Variants in ERC2 observed in about 807,000 individuals in gnomAD.
The protein encoded by ERC2 is ERC protein 2.
A neutral mutation model predicts 114.8 loss-of-function variants in ERC2; 42 were observed. That is an observed-to-expected ratio of 0.37 (90% CI 0.29 to 0.47). The LOEUF (loss-of-function observed/expected upper bound fraction) is 0.47, where lower values mean the gene tolerates loss of function less well. ERC2 is among the 20% of genes least tolerant of loss of function. The pLI is 0.99. For missense variants in ERC2, 939 were observed against 1,150.7 expected (o/e 0.82, Z 2.66); for synonymous variants, 454 against 425.5 (o/e 1.07, Z -0.82).
At chr3:55,678,130 C>G (rs77480090) in intron 17 of ERC2, among the ~76,000 whole-genome samples, 3,108 of 152,118 alleles carry the variant, frequency 0.02, 50 homozygotes, top group Middle Eastern at 0.054. Context: ...GAAGTGGGGA[C>G]AGAGATAAAG....
At chr3:56,268,947 C>G (rs530075257) in intron 3 of ERC2, among the ~76,000 whole-genome samples, 8 of 152,148 alleles carry the variant, frequency 5.3e-5, no homozygotes, top group African/African-American at 1.7e-4. Flanking sequence ...ATGTGGTACG[C>G]CTTAAATTTG....
intron 3 of ERC2, among the ~76,000 whole-genome samples, chr3:56,194,508 A>C: frequency 6.6e-6 from 1 of 152,180 alleles, no homozygotes; most frequent in Non-Finnish European, 1.5e-5. Context: ...CTACCTATAC[A>C]GGGCACTTAC....
At chr3:55,605,504 GTGA>G (rs1434850693) in intron 17 of ERC2, among the ~76,000 whole-genome samples, 1 of 152,096 alleles carries the variant, frequency 6.6e-6, no homozygotes, top group Non-Finnish European at 1.5e-5. Context: ...AATCTATAAT[GTGA>G]TGATAACAAA....
chr3:55,813,507 C>T (rs959184800), intron 14 of ERC2, among the ~76,000 whole-genome samples: 2 of 152,176 alleles, frequency 1.3e-5, no homozygotes, highest in Non-Finnish European at 2.9e-5. Flanking sequence ...TTACTCCACA[C>T]TGCTTCTCAG....
At chr3:56,412,630 G>T (rs955956710) in intron 2 of ERC2, among the ~76,000 whole-genome samples, 5 of 152,112 alleles carry the variant, frequency 3.3e-5, no homozygotes, top group Admixed American at 3.3e-4. Context: ...TTCACAGACG[G>T]GCACTTTAGA....
intron 13 of ERC2, among the ~76,000 whole-genome samples, chr3:55,930,156 T>C (rs1205448546): frequency 2.6e-5 from 4 of 152,156 alleles, no homozygotes; most frequent in African/African-American, 9.7e-5. Flanking sequence ...GGAGAATTGC[T>C]TGACCCTGGG....
chr3:56,421,111 G>C (rs936942765), intron 2 of ERC2, among the ~76,000 whole-genome samples: 1 of 152,184 alleles, frequency 6.6e-6, no homozygotes, highest in Admixed American at 6.5e-5. Context: ...GAAGAGGTGA[G>C]TGTGGAGGTT....
intron 17 of ERC2, among the ~76,000 whole-genome samples, chr3:55,583,437 TCCTTCCTC>T (rs1319864444): frequency 3.8e-5 from 4 of 106,346 alleles, no homozygotes; most frequent in African/African-American, 1.2e-4. Flanking sequence ...CTTCCTTCCT[TCCTTCCTC>T]CCTCCCTCCT....
chr3:56,170,912 G>C (rs142320403), intron 4 of ERC2, among the ~76,000 whole-genome samples: 1 of 151,740 alleles, frequency 6.6e-6, no homozygotes, highest in East Asian at 1.9e-4. Context: ...CTACAGGCGC[G>C]TGCCACCACG....
At chr3:56,379,446 A>G (rs2059667878) in intron 2 of ERC2, among the ~76,000 whole-genome samples, 1 of 152,188 alleles carries the variant, frequency 6.6e-6, no homozygotes, top group Admixed American at 6.5e-5. Context: ...AGGGCTTTAC[A>G]TAGCTCACTC....
At position 56,456,550 on chromosome 3, in the gene ERC2, C is replaced by T. The variant is rs539382431; in HGVS notation, c.-141+11698G>A. On this transcript the variant is annotated intron_variant, in intron 1 of 17. Coordinates refer to ENST00000288221, the MANE Select transcript of ERC2 (RefSeq NM_015576.3). ...TATAATCCCTAAAGCTTTTTTCCAA[C>T]ATTTCATACATACATAGCCTTTAAC... Among the ~76,000 whole-genome samples, 5 of 152,300 alleles carry T rather than the reference C, an allele frequency of 3.3e-5. No individual in the cohort carries two copies. In the East Asian group the frequency reaches 9.6e-4, roughly 29 times the overall value.
At chr3:55,724,444 C>G (rs2064784048) in intron 15 of ERC2, among the ~76,000 whole-genome samples, 1 of 152,156 alleles carries the variant, frequency 6.6e-6, no homozygotes, top group South Asian at 2.1e-4. Context: ...CTGGGAAGAG[C>G]ATGGAAAAGC....
intron 14 of ERC2, among the ~76,000 whole-genome samples, chr3:55,811,974 G>A (rs1376679690): frequency 6.6e-6 from 1 of 152,142 alleles, no homozygotes; most frequent in Non-Finnish European, 1.5e-5. Context: ...TAGGTATTCA[G>A]CTCCACATGC....
chr3:55,749,198 T>C (rs1299022268), intron 14 of ERC2, among the ~76,000 whole-genome samples: 2 of 152,056 alleles, frequency 1.3e-5, no homozygotes, highest in Non-Finnish European at 2.9e-5. Context: ...GAAAACCACT[T>C]AGTGAGAAAA....
intron 2 of ERC2, among the ~76,000 whole-genome samples, chr3:56,301,225 C>A (rs984492471): frequency 6.6e-6 from 1 of 152,210 alleles, no homozygotes; most frequent in African/African-American, 2.4e-5. Context: ...TAAATGACTT[C>A]AGCATGATGA....
chr3:55,965,483 C>A (rs994198763), intron 12 of ERC2, among the ~76,000 whole-genome samples: 1 of 152,128 alleles, frequency 6.6e-6, no homozygotes, highest in Admixed American at 6.5e-5. Context: ...TTTTTTAAAA[C>A]TTCTTAAACC....
chr3:56,123,784 G>C (rs1045791422), intron 6 of ERC2, among the ~76,000 whole-genome samples: 1 of 152,094 alleles, frequency 6.6e-6, no homozygotes, highest in Non-Finnish European at 1.5e-5. Context: ...CTGTAATGCC[G>C]GTCTTGACTT....
chr3:55,663,193 T>C (rs1267360909), intron 17 of ERC2, among the ~76,000 whole-genome samples: 19 of 152,192 alleles, frequency 1.2e-4, no homozygotes, highest in Admixed American at 1.2e-3. Context: ...CAATCGTTCT[T>C]TACTTTCAAA....
Position 55,781,587 on chromosome 3 carries a change from G to C in ERC2, c.2565-46669C>G, listed in dbSNP as rs9851652. On this transcript the variant is annotated intron_variant, in intron 14 of 17. Coordinates refer to ENST00000288221, the MANE Select transcript of ERC2 (RefSeq NM_015576.3). ...AAACAACTCATTTGAAAAAGGAAGA[G>C]AGAGCCAGGTGTGGTGGCTCACACC... Among the ~76,000 whole-genome samples the C allele has an allele frequency of 5.7e-3, 863 of 151,938 alleles. 9 individuals are homozygous for C. Among genetic ancestry groups the C allele is most frequent in the African/African-American group, 0.02 (823 of 41,462 alleles).
Sources: gnomAD v4.1 joint callset for allele counts (sites outside exome capture counted in the v4.1 genomes callset) on GRCh38, gnomAD v4.1.1 for gene constraint, MANE v1.5 for transcripts, NCBI Gene and HGNC (gene_info 2026-07-23, HGNC 2026-07-21) for gene names.